Variants in KLHL1 observed in about 807,000 individuals in gnomAD.
KLHL1 encodes the protein kelch like family member 1.
KLHL1 carries 47 observed loss-of-function variants against 77.7 expected under a neutral mutation model. That is an observed-to-expected ratio of 0.60 (90% CI 0.48 to 0.77). The LOEUF (loss-of-function observed/expected upper bound fraction) is 0.77, where lower values mean the gene tolerates loss of function less well. Ranked by LOEUF, KLHL1 falls within the 30% of genes least tolerant of loss-of-function variation. The pLI is 0.00. For synonymous variants in KLHL1, 360 were observed against 325.2 expected (o/e 1.11, Z -1.15); for missense variants, 925 against 910.8 (o/e 1.02, Z -0.20).
chr13:69,721,942 T>C (rs1873085066), intron 8 of KLHL1, among the ~76,000 whole-genome samples: 1 of 149,054 alleles, frequency 6.7e-6, no homozygotes, highest in African/African-American at 2.6e-5. Flanking sequence ...ACTTACAAGT[T>C]TTTAATCATT....
intron 4 of KLHL1, among the ~76,000 whole-genome samples, chr13:69,931,129 G>A (rs1233628924): frequency 6.6e-6 from 1 of 151,442 alleles, no homozygotes; most frequent in African/African-American, 2.4e-5. Context: ...TAACTGCAGA[G>A]AAACTAATTT....
chr13:69,938,586 G>C (rs1883255259), intron 4 of KLHL1, among the ~76,000 whole-genome samples: 1 of 151,996 alleles, frequency 6.6e-6, no homozygotes, highest in African/African-American at 2.4e-5. Context: ...TTTTTCTTTG[G>C]CTTAGTTAAG....
intron 2 of KLHL1, among the ~76,000 whole-genome samples, chr13:69,967,886 A>C (rs1593634197): frequency 5.0e-5 from 1 of 20,004 alleles, no homozygotes; most frequent in African/African-American, 2.6e-4. Context: ...ATGCTGAATC[A>C]AAAAAAAAAA....
chr13:69,807,723 G>A (rs999150270), intron 6 of KLHL1, among the ~76,000 whole-genome samples: 3 of 152,184 alleles, frequency 2.0e-5, no homozygotes, highest in Non-Finnish European at 2.9e-5. Flanking sequence ...GAGCTCCAAT[G>A]AGTGGTGTGT....
intron 7 of KLHL1, among the ~76,000 whole-genome samples, chr13:69,793,214 A>G (rs1876946852): frequency 6.6e-6 from 1 of 152,110 alleles, no homozygotes; most frequent in South Asian, 2.1e-4. Flanking sequence ...TCAATTTTAT[A>G]TGACATAAAA....
At chr13:69,825,540 T>C (rs920102116) in intron 6 of KLHL1, among the ~76,000 whole-genome samples, 1 of 152,166 alleles carries the variant, frequency 6.6e-6, no homozygotes, top group African/African-American at 2.4e-5. Flanking sequence ...TTTATATTTA[T>C]ATTTTGTATT....
At chr13:69,919,454 T>C (rs1566401830) in intron 4 of KLHL1, among the ~76,000 whole-genome samples, 1 of 152,132 alleles carries the variant, frequency 6.6e-6, no homozygotes, top group Non-Finnish European at 1.5e-5. Flanking sequence ...TGCTTAGATA[T>C]TGCTGATGTA....
intron 6 of KLHL1, among the ~76,000 whole-genome samples, chr13:69,828,965 C>T (rs934425561): frequency 1.3e-5 from 2 of 150,378 alleles, no homozygotes; most frequent in Non-Finnish European, 2.9e-5. Context: ...CTTTCTCTAC[C>T]TGCTTTGGTA....
intron 1 of KLHL1, among the ~76,000 whole-genome samples, chr13:70,043,818 T>G (rs1041261288): frequency 6.6e-6 from 1 of 152,144 alleles, no homozygotes; most frequent in African/African-American, 2.4e-5. Context: ...AAAGATGCAT[T>G]TCTCAGAATC....
At chr13:69,806,522 G>C (rs1437443672) in intron 6 of KLHL1, among the ~76,000 whole-genome samples, 2 of 152,132 alleles carry the variant, frequency 1.3e-5, no homozygotes, top group African/African-American at 2.4e-5. Context: ...AGTAAGTAAA[G>C]ATAGTGTTCC....
At chr13:69,727,417 T>C (rs1298577832) in intron 8 of KLHL1, among the ~76,000 whole-genome samples, 4 of 151,854 alleles carry the variant, frequency 2.6e-5, no homozygotes, top group Non-Finnish European at 5.9e-5. Flanking sequence ...CACAAGTTAA[T>C]AAGAAAAAGC....
At chr13:70,086,901 G>A (rs906408435) in intron 1 of KLHL1, among the ~76,000 whole-genome samples, 2 of 152,000 alleles carry the variant, frequency 1.3e-5, no homozygotes, top group Non-Finnish European at 2.9e-5. Flanking sequence ...TACAGCTATA[G>A]GAAGAGCAAG....
At chr13:69,940,792 CAA>C (rs374717086) in intron 3 of KLHL1, among the ~76,000 whole-genome samples, 30,256 of 67,174 alleles carry the variant, frequency 0.45, 4,506 homozygotes, top group Middle Eastern at 0.5. Context: ...ATCTTAAAGG[CAA>C]AAAAAAAAAA....
chr13:69,901,893 G>C, intron 4 of KLHL1, among the ~76,000 whole-genome samples: 1 of 148,288 alleles, frequency 6.7e-6, no homozygotes, highest in East Asian at 2.1e-4. Flanking sequence ...TGCCTCACGG[G>C]TTCAAGCGAT....
At chr13:69,726,879 T>C (rs1873324610) in intron 8 of KLHL1, among the ~76,000 whole-genome samples, 1 of 152,174 alleles carries the variant, frequency 6.6e-6, no homozygotes, top group South Asian at 2.1e-4. Flanking sequence ...TCTTCTTTGA[T>C]ATATCATCAT....
intron 7 of KLHL1, among the ~76,000 whole-genome samples, chr13:69,778,693 T>C (rs1211874655): frequency 6.6e-6 from 1 of 151,668 alleles, no homozygotes; most frequent in Non-Finnish European, 1.5e-5. Flanking sequence ...AAAATCTCTA[T>C]AACTGAATAA....
intron 3 of KLHL1, among the ~76,000 whole-genome samples, chr13:69,954,813 A>G (rs1164043085): frequency 6.6e-6 from 1 of 151,112 alleles, no homozygotes; most frequent in African/African-American, 2.4e-5. Flanking sequence ...ACACACACAC[A>G]CACACATTTT....
chr13:70,075,565 A>ATGTG (rs1381824250), intron 1 of KLHL1, among the ~76,000 whole-genome samples: 3 of 132,054 alleles, frequency 2.3e-5, no homozygotes, highest in African/African-American at 8.6e-5. Flanking sequence ...GTGTGTGTGT[A>ATGTG]TGTGTATATA....
At chr13:69,987,314 TAATAC>T (rs1884899933) in intron 1 of KLHL1, among the ~76,000 whole-genome samples, 1 of 152,042 alleles carries the variant, frequency 6.6e-6, no homozygotes, top group African/African-American at 2.4e-5. Flanking sequence ...ATAAATTCTC[TAATAC>T]AATAATGAAA....
Sources: gnomAD v4.1 joint callset for allele counts (sites outside exome capture counted in the v4.1 genomes callset) on GRCh38, gnomAD v4.1.1 for gene constraint, MANE v1.5 for transcripts, NCBI Gene and HGNC (gene_info 2026-07-23, HGNC 2026-07-21) for gene names.